The following LRP2BP variants were observed in gnomAD, a reference collection of about 807,000 sequenced individuals.
LRP2BP encodes LRP2 binding protein, also known as LRP2-binding protein.
Under a neutral mutation model 45.2 loss-of-function variants are expected in LRP2BP, and 38 were observed. That is an observed-to-expected ratio of 0.84 (90% CI 0.65 to 1.10). The LOEUF is 1.10. Ranked by LOEUF, LRP2BP falls within the 50% of genes least tolerant of loss-of-function variation. LRP2BP has a pLI of 0.00. For synonymous variants in LRP2BP, 153 were observed against 153.9 expected (o/e 0.99, Z 0.04); for missense variants, 385 against 418.9 (o/e 0.92, Z 0.71).
intron 1 of LRP2BP, among the ~76,000 whole-genome samples, chr4:185,390,114 C>T (rs1283062487): frequency 6.6e-6 from 1 of 152,180 alleles, no homozygotes; most frequent in African/African-American, 2.4e-5. Context: ...ACTTAATATT[C>T]TCATCTACTT....
chr4:185,377,520 A>AAAC (rs756535819), intron 2 of LRP2BP: 8 of 168,390 alleles, frequency 4.8e-5, no homozygotes, highest in East Asian at 1.6e-4. Context: ...CTCCATCTCA[A>AAAC]AACAACAACA....
At chr4:185,381,313 A>G (rs755285999) in intron 1 of LRP2BP, among the ~76,000 whole-genome samples, 1 of 152,148 alleles carries the variant, frequency 6.6e-6, no homozygotes, top group Non-Finnish European at 1.5e-5. Context: ...ATCACAATTT[A>G]TCTTTTCTAC....
intron 8 of LRP2BP, among the ~76,000 whole-genome samples, chr4:185,368,248 C>T (rs1168403872): frequency 6.6e-6 from 1 of 152,240 alleles, no homozygotes; most frequent in African/African-American, 2.4e-5. Context: ...CTCGAAGGGT[C>T]CTAACAGAAT....
intron 7 of LRP2BP, among the ~76,000 whole-genome samples, chr4:185,371,366 C>T (rs530914943): frequency 2.4e-3 from 364 of 151,764 alleles, no homozygotes; most frequent in Admixed American, 5.6e-3. Context: ...GGTGAAACCC[C>T]GTCTCTACTA....
At chr4:185,373,830 G>A (rs895132959) in intron 6 of LRP2BP, among the ~76,000 whole-genome samples, 3 of 152,066 alleles carry the variant, frequency 2.0e-5, no homozygotes, top group African/African-American at 4.8e-5. Flanking sequence ...TCAAGTCAAC[G>A]GTAATATTCA....
At position 185,373,035 on chromosome 4, in the gene LRP2BP, C is replaced by T; in HGVS notation, c.624G>A (p.Glu208=). 1 of 1,612,102 alleles carries T rather than the reference C, an allele frequency of 6.2e-7. No homozygotes were observed. Among genetic ancestry groups the T allele is most frequent in the South Asian group, 1.1e-5 (1 of 91,038 alleles). Residue 208 remains glutamate, a synonymous_variant, in exon 7 of 9, where the codon GAG becomes GAA. Transcript: ENST00000505916. ...HSEACGNGNL[E]SQGALGLMYL... is the part of the protein sequence containing the mutation. ...ACATGAGCCCAAGTGCACCCTGGGA[C>T]TCCAGATTCCCATTGCCACATGCTT...
At chr4:185,371,969 A>G (rs1471813817) in intron 7 of LRP2BP, among the ~76,000 whole-genome samples, 1 of 152,202 alleles carries the variant, frequency 6.6e-6, no homozygotes, top group Admixed American at 6.5e-5. Flanking sequence ...GAGTACACCC[A>G]GGTCTGTCTC....
chr4:185,375,803 G>A (rs2095435510), intron 3 of LRP2BP, 77 bp from the exon 4 acceptor site: 3 of 835,880 alleles, frequency 3.6e-6, no homozygotes, highest in Non-Finnish European at 5.5e-6. Flanking sequence ...GTGGTCAAGT[G>A]TTTGTGCCCA....
At chr4:185,396,967 C>T (rs200611006), upstream of LRP2BP, 4 of 1,613,136 alleles carry the variant, frequency 2.5e-6, no homozygotes, top group East Asian at 4.5e-5. Context: ...TTCGGGCTCA[C>T]AGAGCCCGAG....
chr4:185,390,651 A>G (rs979093991), intron 1 of LRP2BP: 1 of 152,230 alleles, frequency 6.6e-6, no homozygotes, highest in African/African-American at 2.4e-5. Flanking sequence ...CTGACATTCT[A>G]GAGAATGCCT....
Position 185,365,609 on chromosome 4 carries a change from C to A in LRP2BP, c.*1571G>T, listed in dbSNP as rs1352535833. 2 of 151,134 alleles carry A rather than the reference C, an allele frequency of 1.3e-5. No homozygotes were observed. The highest frequency in any genetic ancestry group is 2.9e-5 in the Non-Finnish European group (2 of 67,924). The allele number at this position is 151,134 out of a possible 1,614,324, so 9.4% of individuals were successfully genotyped here. A position where few individuals can be genotyped will look rare whatever the true frequency, so the allele number is the denominator to read the frequency against. On this transcript the variant is annotated 3_prime_UTR_variant, in exon 9 of 9. Coordinates refer to ENST00000505916, the MANE Select transcript of LRP2BP (RefSeq NM_001377440.1). ...GACCTCATGATCTGCCCGCCTCAGC[C>A]TCCCAAAGTGCTGGGATTACAGACG...
chr4:185,390,396 G>A (rs554024545), intron 1 of LRP2BP, among the ~76,000 whole-genome samples: 1 of 152,134 alleles, frequency 6.6e-6, no homozygotes, highest in East Asian at 1.9e-4. Flanking sequence ...GCCCATGCCT[G>A]TAGTCCCAGC....
Position 185,373,004 on chromosome 4 carries a change from A to T in LRP2BP, c.655T>A (p.Tyr219Asn). The T allele has an allele frequency of 6.2e-7, 1 of 1,613,914 alleles. No individual in the cohort carries two copies. Among genetic ancestry groups the T allele is most frequent in the Non-Finnish European group, 8.5e-7 (1 of 1,179,814 alleles). Residue 219 changes from tyrosine to asparagine, a missense_variant, in exon 7 of 9, where the codon TAT becomes AAT. Transcript: ENST00000505916. ...GTATCCTGCCGGATGCCTTGTCCAT[A>T]CAAGTACATGAGCCCAAGTGCACCC... ...SQGALGLMYL[Y>N]GQGIRQDTEA...
rs140429433 is a variant in LRP2BP at position 185,392,240 on chromosome 4, T to C, written c.-22+2539A>G. ...ATACCTTTCAAGTTCTCCAAGTTCT[T>C]ATCACAACAGTGAAGAAGTGAACAT... On this transcript the variant is annotated intron_variant, in intron 1 of 8. Transcript: ENST00000505916. Among the ~76,000 whole-genome samples, 625 of 152,356 alleles carry C rather than the reference T, an allele frequency of 4.1e-3. 5 individuals carry two copies. Among genetic ancestry groups the C allele is most frequent in the African/African-American group, 0.014 (602 of 41,590 alleles).
chr4:185,378,100 C>T lies in LRP2BP; in HGVS notation c.87G>A (p.Gln29=). ...TTGTACCAGTCTTTTCCTTTTTCCA[C>T]TGGAAAAATTTTTGGTTTTTAGCAG... ...QYAAKNQKFF[Q]WKKEKTDYTH... Residue 29 remains glutamine (Q), a synonymous_variant, in exon 2 of 9, where the codon CAG becomes CAA. Transcript: ENST00000505916. 1 of 1,613,360 alleles carries T rather than the reference C, an allele frequency of 6.2e-7. No homozygotes were observed. Among genetic ancestry groups the T allele is most frequent in the Non-Finnish European group, 8.5e-7 (1 of 1,179,712 alleles).
chr4:185,392,471 G>A (rs1005611438), intron 1 of LRP2BP, among the ~76,000 whole-genome samples: 1 of 152,090 alleles, frequency 6.6e-6, no homozygotes, highest in Non-Finnish European at 1.5e-5. Context: ...ATGTTAAAGA[G>A]AAAGAATTTC....
chr4:185,371,467 G>A (rs889343834), intron 7 of LRP2BP, among the ~76,000 whole-genome samples: 1 of 149,604 alleles, frequency 6.7e-6, no homozygotes, highest in African/African-American at 2.5e-5. Flanking sequence ...GCGTGAACCC[G>A]GAAGGCAGAG....
intron 1 of LRP2BP, 144 bp from the exon 2 acceptor site, chr4:185,378,351 C>T (rs2126813403): frequency 4.9e-6 from 7 of 1,431,992 alleles, no homozygotes; most frequent in Non-Finnish European, 6.4e-6. Context: ...AACTCCAGGA[C>T]GTGAACATTC....
intron 4 of LRP2BP, 80 bp from the exon 5 acceptor site, chr4:185,374,541 A>G (rs2095426781): frequency 1.4e-6 from 2 of 1,469,602 alleles, no homozygotes; most frequent in African/African-American, 2.8e-5. Flanking sequence ...TAAGGCTGTG[A>G]AGTGTCCGCC....
Sources: allele counts gnomAD v4.1 joint callset (sites outside exome capture counted in the v4.1 genomes callset), GRCh38; gene constraint gnomAD v4.1.1; transcripts MANE v1.5; gene names NCBI Gene and HGNC (gene_info 2026-07-23, HGNC 2026-07-21).